The following ZFR variants were observed in gnomAD, a reference collection of about 807,000 sequenced individuals.
The protein encoded by ZFR is zinc finger RNA binding protein.
ZFR carries 19 observed loss-of-function variants against 130.7 expected under a neutral mutation model. That is an observed-to-expected ratio of 0.15 (90% CI 0.10 to 0.21). The LOEUF is 0.21. Among genes scored for constraint, ZFR ranks in the 10% least tolerant of loss-of-function variants. The probability of loss-of-function intolerance (pLI) is 1.00; values close to 1 mark genes in which losing one functional copy is unlikely to be tolerated. For missense variants in ZFR, 872 were observed against 1,321.5 expected (o/e 0.66, Z 5.27); for synonymous variants, 466 against 456.9 (o/e 1.02, Z -0.25).
intron 17 of ZFR, among the ~76,000 whole-genome samples, chr5:32,366,519 A>G (rs1752548382): frequency 6.6e-6 from 1 of 152,250 alleles, no homozygotes; most frequent in South Asian, 2.1e-4. Flanking sequence ...AAAAAAGTCA[A>G]TACACTTAAA....
At chr5:32,375,802 A>G (rs891783433) in intron 17 of ZFR, among the ~76,000 whole-genome samples, 1 of 149,322 alleles carries the variant, frequency 6.7e-6, no homozygotes, top group Non-Finnish European at 1.5e-5. Context: ...CCACTAGACC[A>G]TGACCGGTTG....
At chr5:32,424,712 T>C (rs1022167808) in intron 2 of ZFR, among the ~76,000 whole-genome samples, 3 of 152,126 alleles carry the variant, frequency 2.0e-5, no homozygotes, top group African/African-American at 7.2e-5. Flanking sequence ...CGGTACAGGA[T>C]TGTAAAATGG....
intron 2 of ZFR, among the ~76,000 whole-genome samples, chr5:32,442,741 C>G (rs919976700): frequency 4.6e-5 from 7 of 151,974 alleles, no homozygotes; most frequent in Admixed American, 4.6e-4. Flanking sequence ...GTGCTACATA[C>G]AATAATGGTA....
At chr5:32,407,329 T>C (rs1447518437) in intron 5 of ZFR, among the ~76,000 whole-genome samples, 2 of 151,464 alleles carry the variant, frequency 1.3e-5, no homozygotes, top group African/African-American at 2.4e-5. Context: ...CTTGTCTGTT[T>C]ATAGAATCTG....
At chr5:32,402,319 G>A (rs766439883) in intron 8 of ZFR, among the ~76,000 whole-genome samples, 9 of 152,214 alleles carry the variant, frequency 5.9e-5, no homozygotes, top group Non-Finnish European at 1.3e-4. Context: ...GCAGTCAACT[G>A]TGTCAAGTAT....
rs140428713 is a variant in ZFR at position 32,403,226 on chromosome 5, T to A, written c.1396A>T (p.Met466Leu). ...TTTCCTGTAGTCGTAAGACCCTTCA[T>A]TGAAGACGTTGCAACTGATGACGTA... ...VNTSSVATSS[M>L]KGLTTTGNSS... Residue 466 changes from methionine (M) to leucine (L), a missense_variant, in exon 8 of 20, where the codon ATG becomes TTG. Transcript: ENST00000265069. 1 of 1,614,206 alleles carries A rather than the reference T, an allele frequency of 6.2e-7. No homozygotes were observed. The highest frequency in any genetic ancestry group is 2.2e-5 in the East Asian group (1 of 44,884).
At chr5:32,385,740 C>T in intron 14 of ZFR, 91 bp from the exon 15 acceptor site, 1 of 1,439,334 alleles carries the variant, frequency 6.9e-7, no homozygotes, top group Non-Finnish European at 9.5e-7. Flanking sequence ...CTCTTACTAC[C>T]CTAACCATTC....
chr5:32,430,879 CA>C (rs1355000293), intron 2 of ZFR, among the ~76,000 whole-genome samples: 30 of 152,164 alleles, frequency 2.0e-4, no homozygotes, highest in African/African-American at 6.5e-4. Context: ...AGTTTGAGAC[CA>C]GCCTGGGCAT....
At chr5:32,437,262 T>A (rs1307788860) in intron 2 of ZFR, among the ~76,000 whole-genome samples, 1 of 152,222 alleles carries the variant, frequency 6.6e-6, no homozygotes, top group Non-Finnish European at 1.5e-5. Context: ...TAGACTCATC[T>A]GTCTCCACCC....
intron 5 of ZFR, among the ~76,000 whole-genome samples, chr5:32,409,587 G>A (rs147071060): frequency 0.017 from 2,555 of 152,116 alleles, 37 homozygotes; most frequent in Non-Finnish European, 0.026. Context: ...TGTATTTTTA[G>A]TAGAGACGGG....
chr5:32,422,259 G>A (rs768119954), intron 2 of ZFR, among the ~76,000 whole-genome samples: 8 of 152,066 alleles, frequency 5.3e-5, no homozygotes, highest in Non-Finnish European at 1.0e-4. Flanking sequence ...AAGAAGGAAT[G>A]ACCATATGTT....
Position 32,379,131 on chromosome 5 carries a change from G to A in ZFR, c.2819C>T (p.Ser940Phe). 6.2e-7 allele frequency: 1 copy of A among 1,613,550 alleles called. No homozygotes were observed. The highest frequency in any genetic ancestry group is 8.5e-7 in the Non-Finnish European group (1 of 1,179,744). The change falls in exon 17 of 20, where the codon TCT becomes TTT. Residue 940 changes from serine to phenylalanine, a missense_variant. Ser to Phe is a radical substitution (Grantham distance 155, BLOSUM62 -2). This residue lies in a region of ZFR where 158 missense variants were observed against 264.0 expected (regional missense o/e 0.60). Transcript: ENST00000265069. ...ACTACTTACCCAGCTTGGAAAATCA[G>A]ACCAAGTTGGAACTCGCTGACAGAG... ...RDLCQRVPTW[S>F]DFPSWAMELL...
chr5:32,425,551 G>T lies in ZFR; in HGVS notation c.138-5448C>A, dbSNP rs184722190. On this transcript the variant is annotated intron_variant, in intron 2 of 19. Coordinates refer to ENST00000265069, the MANE Select transcript of ZFR (RefSeq NM_016107.5). ...TACTTTTACTCTTTCTTTTTGAGTCGGAGTCTCACTCTGTTGCCCAGGCTG... is the reference window on the plus strand; with the variant it reads ...TACTTTTACTCTTTCTTTTTGAGTCTGAGTCTCACTCTGTTGCCCAGGCTG... 7.2e-3 allele frequency among the ~76,000 whole-genome samples: 1,088 copies of T among 152,076 alleles called. 7 individuals carry two copies. The highest frequency in any genetic ancestry group is 0.012 in the Admixed American group (185 of 15,282).
At chr5:32,402,079 G>C (rs1753460710) in intron 8 of ZFR, among the ~76,000 whole-genome samples, 1 of 152,318 alleles carries the variant, frequency 6.6e-6, no homozygotes, top group South Asian at 2.1e-4. Flanking sequence ...GTCCAACTCA[G>C]GTGGGGGTTT....
At chr5:32,380,558 G>A (rs10054157) in intron 15 of ZFR, 2,893 of 156,976 alleles carry the variant, frequency 0.018, 105 homozygotes, top group African/African-American at 0.067. Context: ...AGTTATTCTG[G>A]AGCTAATATA....
At position 32,438,252 on chromosome 5, in the gene ZFR, A is replaced by ATTTTTTTTTTTTTTTT. The variant is rs1561930577; in HGVS notation, c.137+5976_137+5977insAAAAAAAAAAAAAAAA. ...AAGAATGCTACTGATTTTATCTGAAAATTTTTTTTTTTTTTTTTTTTTTTT... is the reference window on the plus strand; with the variant it reads ...AAGAATGCTACTGATTTTATCTGAAATTTTTTTTTTTTTTTTATTTTTTTTTTTTTTTTTTTTTTTT... On this transcript the variant is annotated intron_variant, in intron 2 of 19. Coordinates refer to ENST00000265069, the MANE Select transcript of ZFR (RefSeq NM_016107.5). 1.6e-4 allele frequency among the ~76,000 whole-genome samples: 13 copies of ATTTTTTTTTTTTTTTT among 83,476 alleles called. 6 individuals are homozygous for ATTTTTTTTTTTTTTTT. The allele number at this position is 83,476 out of a possible 152,430, so 54.8% of individuals were successfully genotyped here.
In ZFR at chr5:32,444,721, T is replaced by C; in HGVS notation, c.-63A>G. 6.7e-7 allele frequency: 1 copy of C among 1,494,776 alleles called. No individual in the cohort carries two copies. Among genetic ancestry groups the C allele is most frequent in the Admixed American group, 2.4e-5 (1 of 41,498 alleles). The allele number at this position is 1,494,776 out of a possible 1,614,324, so 92.6% of individuals were successfully genotyped here. The stretch of plus-strand genomic sequence containing the variant: ...CCGCTGCCTCCCTCCTCTGCCCCGC[T>C]CCTCCTCAGCGGAGAACAGACCGCC... On this transcript the variant is annotated 5_prime_UTR_variant, in exon 1 of 20. Transcript: ENST00000265069.
Position 32,444,669 on chromosome 5 carries a change from T to G in ZFR, c.-11A>C, listed in dbSNP as rs1483106954. The G allele has an allele frequency of 2.7e-6, 4 of 1,508,886 alleles. No individual in the cohort carries two copies. Among genetic ancestry groups the G allele is most frequent in the African/African-American group, 2.9e-5 (2 of 69,242 alleles). 93.5% of individuals were successfully genotyped at this position (1,508,886 alleles called of 1,614,324 possible). On this transcript the variant is annotated 5_prime_UTR_variant, in exon 1 of 20. Transcript: ENST00000265069. ...GCATATGGGAATCATGGGCTCGGGC[T>G]GCTGCTGCTGAACTCTGAACTCTCA...
chr5:32,423,707 A>C (rs1334327163), intron 2 of ZFR, among the ~76,000 whole-genome samples: 1 of 152,198 alleles, frequency 6.6e-6, no homozygotes, highest in African/African-American at 2.4e-5. Flanking sequence ...AAATTCAAAA[A>C]GCTCACAGAG....
Sources: allele counts gnomAD v4.1 joint callset (sites outside exome capture counted in the v4.1 genomes callset), GRCh38; gene constraint gnomAD v4.1.1; regional missense constraint gnomAD v4.1.1; transcripts MANE v1.5; gene names NCBI Gene and HGNC (gene_info 2026-07-23, HGNC 2026-07-21).